Variants in EHMT1 observed in about 807,000 individuals in gnomAD.
EHMT1 encodes the protein histone-lysine N-methyltransferase EHMT1.
EHMT1 carries 15 observed loss-of-function variants against 147.2 expected under a neutral mutation model. That is an observed-to-expected ratio of 0.10 (90% CI 0.07 to 0.16). The LOEUF (loss-of-function observed/expected upper bound fraction) is 0.16. Ranked by LOEUF, EHMT1 falls within the 10% of genes least tolerant of loss-of-function variation. The pLI is 1.00. For missense variants in EHMT1, 1,587 were observed against 1,772.4 expected (o/e 0.90, Z 1.88); for synonymous variants, 795 against 709.6 (o/e 1.12, Z -1.91).
At chr9:137,714,483 T>A (rs974007069) in intron 2 of EHMT1, among the ~76,000 whole-genome samples, 1 of 152,076 alleles carries the variant, frequency 6.6e-6, no homozygotes, top group African/African-American at 2.4e-5. Context: ...AAATTCCACT[T>A]GTTCATGGTT....
At chr9:137,675,837 G>A (rs1941235248) in intron 1 of EHMT1, among the ~76,000 whole-genome samples, 1 of 130,018 alleles carries the variant, frequency 7.7e-6, no homozygotes, top group African/African-American at 3.1e-5. Context: ...AGGCTGGAGT[G>A]CAGTGGCGGG....
chr9:137,684,718 C>A (rs756723527), intron 1 of EHMT1, among the ~76,000 whole-genome samples: 1 of 152,092 alleles, frequency 6.6e-6, no homozygotes, highest in Non-Finnish European at 1.5e-5. Context: ...CTCTCGAACT[C>A]CTGAGCTCAG....
At chr9:137,728,657 T>C in intron 4 of EHMT1, 128 bp downstream of exon 4, 3 of 1,303,606 alleles carry the variant, frequency 2.3e-6, no homozygotes, top group Non-Finnish European at 3.3e-6. Context: ...TGACGTCAGC[T>C]GGCCCTCCTG....
At chr9:137,714,375 T>C (rs1028665092) in intron 2 of EHMT1, among the ~76,000 whole-genome samples, 3 of 152,168 alleles carry the variant, frequency 2.0e-5, no homozygotes, top group African/African-American at 4.8e-5. Context: ...TCCTGTCTAA[T>C]GAGATGCTTG....
At chr9:137,801,256 G>C (rs1953461078) in intron 18 of EHMT1, among the ~76,000 whole-genome samples, 1 of 152,200 alleles carries the variant, frequency 6.6e-6, no homozygotes, top group African/African-American at 2.4e-5. Flanking sequence ...TCACGGGGCT[G>C]TGCCTGGGCC....
intron 1 of EHMT1, among the ~76,000 whole-genome samples, chr9:137,694,775 G>A (rs934518873): frequency 9.9e-5 from 15 of 152,214 alleles, no homozygotes; most frequent in African/African-American, 3.4e-4. Flanking sequence ...GCGAGGCCTC[G>A]GGGTGCCCTT....
rs139409258 is a variant in EHMT1 at position 137,811,995 on chromosome 9, C to G, written c.2867+380C>G. ...GGAGCAGTGCCACCCACAGCCAGGG[C>G]TGGAGTTGCTGGGGGCTGTGGCACT... On this transcript the variant is annotated intron_variant, in intron 19 of 26. Coordinates refer to ENST00000460843, the MANE Select transcript of EHMT1 (RefSeq NM_024757.5). Among the ~76,000 whole-genome samples, 764 of 152,300 alleles carry G rather than the reference C, an allele frequency of 5.0e-3. 4 individuals are homozygous for G. Among genetic ancestry groups the G allele is most frequent in the African/African-American group, 0.017 (687 of 41,570 alleles).
At position 137,717,157 on chromosome 9, in the gene EHMT1, C is replaced by G; in HGVS notation, c.617C>G (p.Thr206Ser). The part of the protein sequence containing the change: ...ADVKVHRARK[T>S]MPKSVVGLHA... Reference sequence around the variant, plus strand: ...GTCAAGGTCCACAGGGCACGCAAGACCATGCCGAAGTCCGTCGTGGGCCTG... The same window carrying G: ...GTCAAGGTCCACAGGGCACGCAAGAGCATGCCGAAGTCCGTCGTGGGCCTG... The change falls in exon 3 of 27, where the codon ACC (threonine) becomes AGC (serine). Residue 206 changes from threonine (T) to serine (S), a missense_variant. This residue lies in a region of EHMT1 where 810 missense variants were observed against 673.0 expected (regional missense o/e 1.20). Coordinates refer to ENST00000460843, the MANE Select transcript of EHMT1 (RefSeq NM_024757.5). 1 of 1,612,476 alleles carries G rather than the reference C, an allele frequency of 6.2e-7. No homozygotes were observed. The highest frequency in any genetic ancestry group is 8.5e-7 in the Non-Finnish European group (1 of 1,179,990).
chr9:137,739,843 G>A (rs1287070744), intron 4 of EHMT1, among the ~76,000 whole-genome samples: 1 of 152,216 alleles, frequency 6.6e-6, no homozygotes, highest in African/African-American at 2.4e-5. Flanking sequence ...TGAATGGCCT[G>A]GGGTCTCTGT....
chr9:137,633,622 A>G (rs1207140200), intron 1 of EHMT1, among the ~76,000 whole-genome samples: 2 of 152,026 alleles, frequency 1.3e-5, no homozygotes, highest in African/African-American at 4.8e-5. Flanking sequence ...GTTCTTTGGT[A>G]TGTCTGGAGT....
At chr9:137,752,559 C>A in intron 7 of EHMT1, 151 bp downstream of exon 7, 1 of 897,316 alleles carries the variant, frequency 1.1e-6, no homozygotes, top group Non-Finnish European at 1.8e-6. Context: ...CAGATGGGTC[C>A]TGTCCCTGGC....
intron 25 of EHMT1, among the ~76,000 whole-genome samples, chr9:137,831,842 G>A (rs994135907): frequency 1.3e-5 from 2 of 152,236 alleles, no homozygotes; most frequent in Admixed American, 6.5e-5. Flanking sequence ...TCCCTAGTGC[G>A]ATTGGCTGGG....
chr9:137,821,317 C>CAT (rs1564825207), intron 25 of EHMT1, among the ~76,000 whole-genome samples: 2 of 75,906 alleles, frequency 2.6e-5, no homozygotes, highest in Non-Finnish European at 4.6e-5. Flanking sequence ...CTGCGCCCGG[C>CAT]CTTTTTTTTT....
At chr9:137,791,240 G>A (rs552377305) in intron 16 of EHMT1, among the ~76,000 whole-genome samples, 1 of 152,188 alleles carries the variant, frequency 6.6e-6, no homozygotes, top group South Asian at 2.1e-4. Context: ...ACAGTACATC[G>A]TCTCACCCTG....
Position 137,729,379 on chromosome 9 carries a change from G to A in EHMT1, c.823+850G>A, listed in dbSNP as rs1217009916. Among the ~76,000 whole-genome samples the A allele has an allele frequency of 2.6e-5, 4 of 152,150 alleles. No individual in the cohort carries two copies. The East Asian group carries it at 7.7e-4, about 29-fold the overall frequency. ...CAAGGCGGGTGGATCACGAGATCAG[G>A]AGATCGAGACCATCCTGGCTAACAC... On this transcript the variant is annotated intron_variant, in intron 4 of 26. Transcript: ENST00000460843.
Position 137,664,424 on chromosome 9 carries a change from T to TAAA in EHMT1, c.21+45377_21+45378insAAA, listed in dbSNP as rs1224308002. Reference sequence around the variant, plus strand: ...ACAGGTGCCCTCCACCACACTCGGCTAATTTTTGTATTTTTAGTAGAGACT... The same window carrying TAAA: ...ACAGGTGCCCTCCACCACACTCGGCTAAAAATTTTTGTATTTTTAGTAGAGACT... On this transcript the variant is annotated intron_variant, in intron 1 of 26. Coordinates refer to ENST00000460843, the MANE Select transcript of EHMT1 (RefSeq NM_024757.5). Among the ~76,000 whole-genome samples, 3 of 152,094 alleles carry TAAA rather than the reference T, an allele frequency of 2.0e-5. No homozygotes were observed. The East Asian group carries it at 5.8e-4, about 29-fold the overall frequency.
At chr9:137,711,864 G>A (rs1353748127) in intron 2 of EHMT1, among the ~76,000 whole-genome samples, 1 of 152,182 alleles carries the variant, frequency 6.6e-6, no homozygotes, top group Non-Finnish European at 1.5e-5. Context: ...CTTGCCTAAG[G>A]CTCTCCCAGC....
At chr9:137,683,773 T>G (rs775742753) in intron 1 of EHMT1, among the ~76,000 whole-genome samples, 3 of 152,192 alleles carry the variant, frequency 2.0e-5, no homozygotes, top group African/African-American at 7.2e-5. Context: ...TTTTTCCCTA[T>G]TAATTTCCTT....
chr9:137,698,237 G>A (rs111551493), intron 1 of EHMT1, among the ~76,000 whole-genome samples: 5 of 152,324 alleles, frequency 3.3e-5, no homozygotes, highest in East Asian at 1.9e-4. Flanking sequence ...AGAAAAGCAG[G>A]GATTGCCGTG....
Sources: gnomAD v4.1 joint callset for allele counts (sites outside exome capture counted in the v4.1 genomes callset) on GRCh38, gnomAD v4.1.1 for gene constraint, gnomAD v4.1.1 regional missense constraint, MANE v1.5 for transcripts, NCBI Gene and HGNC (gene_info 2026-07-23, HGNC 2026-07-21) for gene names.